PLPPR2: variants seen among roughly 807,000 people sequenced by gnomAD.
The protein encoded by PLPPR2 is phospholipid phosphatase-related protein type 2.
A neutral mutation model predicts 40.3 loss-of-function variants in PLPPR2; 11 were observed. The ratio of observed to expected loss-of-function variants is 0.27; its 90% confidence interval spans 0.17 to 0.45. The LOEUF is 0.45. PLPPR2 is among the 20% of genes least tolerant of loss of function. The pLI, the probability that PLPPR2 is intolerant of heterozygous loss-of-function variation, is 1.00. For synonymous variants in PLPPR2, 260 were observed against 290.8 expected, an observed-to-expected ratio of 0.89 and a Z score of 1.08; for missense variants, 497 against 640.7, an observed-to-expected ratio of 0.78 and a Z score of 2.42.
rs779138963 is a variant in PLPPR2, at chr19:11,361,182, T to C, written c.392-35T>C. ...TGGAATCAGTGGGAGCATCAGGGCCTGGCGCATGAACCCCTTCCACTATCC... is the reference window on the plus strand; with the variant it reads ...TGGAATCAGTGGGAGCATCAGGGCCCGGCGCATGAACCCCTTCCACTATCC... On this transcript the variant is annotated intron_variant, in intron 5 of 9. Coordinates refer to ENST00000688289, the MANE Select transcript of PLPPR2 (RefSeq NM_001393892.1). This position sits in a 1 kb window ranked among gnomAD's most constrained non-coding sequence, Gnocchi z 6.3. 10 of 1,566,490 alleles carry C rather than the reference T, an allele frequency of 6.4e-6. No homozygotes were observed. In the South Asian group the frequency reaches 9.3e-5, roughly 15 times the overall value.
In PLPPR2 at chr19:11,361,681, C is replaced by A. The variant is rs1034776325; in HGVS notation, c.663+193C>A. ...TCCTAGCCACGCCCCCAGTCAGAGG[C>A]TATCGCTGTCCATTGACTCCGCCCC... is the stretch of plus-strand genomic sequence containing the variant. On this transcript the variant is annotated intron_variant, in intron 6 of 9. Transcript: ENST00000688289. The surrounding 1 kb of genome is among the most constrained non-coding windows in gnomAD (Gnocchi z 6.3). Among the ~76,000 whole-genome samples, 2 of 152,164 alleles carry A rather than the reference C, an allele frequency of 1.3e-5. No homozygotes were observed. The highest frequency in any genetic ancestry group is 2.9e-5 in the Non-Finnish European group (2 of 68,002).
Position 11,359,668 on chromosome 19 carries a change from G to A in PLPPR2, c.203G>A (p.Arg68Gln), listed in dbSNP as rs970915215. ...TACCCAGGGCCTGAGGCTGCCAGCC[G>A]AGTGCCTCCTGCTCTTGTCTACGCA... ...KPYPGPEAAS[R>Q]VPPALVYALV... is the part of the protein sequence containing the mutation. Residue 68 changes from arginine to glutamine, a missense_variant, in exon 4 of 10, where the codon CGA (arginine) becomes CAA (glutamine). Transcript: ENST00000688289. This position sits in a 1 kb window ranked among gnomAD's most constrained non-coding sequence, Gnocchi z 5.6. 8 of 1,611,432 alleles carry A rather than the reference G, an allele frequency of 5.0e-6. No homozygotes were observed. The highest frequency in any genetic ancestry group is 3.3e-5 in the South Asian group (3 of 90,644).
At position 11,361,473 on chromosome 19, in the gene PLPPR2, G is replaced by T; in HGVS notation, c.648G>T (p.Ala216=). The change falls in exon 6 of 10, where the codon GCG becomes GCT. Residue 216 remains alanine, a synonymous_variant. Transcript: ENST00000688289. This position sits in a 1 kb window ranked among gnomAD's most constrained non-coding sequence, Gnocchi z 6.3. ...PCKDAALCAY[A]VTYTAMYVTL... is the part of the protein sequence containing the mutation. Reference sequence around the variant, plus strand: ...AGGATGCGGCCCTCTGCGCCTACGCGGTCACCTACACAGCGGTGAGCTTCG... The same window carrying T: ...AGGATGCGGCCCTCTGCGCCTACGCTGTCACCTACACAGCGGTGAGCTTCG... The T allele has an allele frequency of 6.2e-7, 1 of 1,600,662 alleles. No individual in the cohort carries two copies. The highest frequency in any genetic ancestry group is 1.7e-5 in the Admixed American group (1 of 59,820).
At chr19:11,356,445 G>C (rs1196508957) in intron 1 of PLPPR2, among the ~76,000 whole-genome samples, 3 of 145,774 alleles carry the variant, frequency 2.1e-5, no homozygotes, top group Non-Finnish European at 4.5e-5. Flanking sequence ...TCTCTGTTTG[G>C]CCTGGGGTGG....
chr19:11,361,617 C>A lies in PLPPR2; in HGVS notation c.663+129C>A. On this transcript the variant is annotated intron_variant, in intron 6 of 9. Coordinates refer to ENST00000688289, the MANE Select transcript of PLPPR2 (RefSeq NM_001393892.1). The surrounding 1 kb of genome is among the most constrained non-coding windows in gnomAD (Gnocchi z 6.3). ...GGTGCTGTTGGAAGCTCTCGCTCCA[C>A]GCCCCGACCTGTTGGAAGCTCTCCC... 5 of 1,283,254 alleles carry A rather than the reference C, an allele frequency of 3.9e-6. No individual in the cohort carries two copies. The highest frequency in any genetic ancestry group is 5.2e-6 in the Non-Finnish European group (5 of 954,526). The allele number at this position is 1,283,254 out of a possible 1,614,324, so 79.5% of individuals were successfully genotyped here.
rs1372523468 is a variant in PLPPR2 at position 11,363,224 on chromosome 19, T to C, written c.841-489T>C. 6.8e-6 allele frequency among the ~76,000 whole-genome samples: 1 copy of C among 147,898 alleles called. No homozygotes were observed. The highest frequency in any genetic ancestry group is 2.5e-5 in the African/African-American group (1 of 39,800). On this transcript the variant is annotated intron_variant, in intron 7 of 9. Coordinates refer to ENST00000688289, the MANE Select transcript of PLPPR2 (RefSeq NM_001393892.1). The surrounding 1 kb of genome is among the most constrained non-coding windows in gnomAD (Gnocchi z 4.8). ...TGAACCCGGGGGACGGAGGTTGCAG[T>C]GAACTGAGATCGTGCCACCTCACTC...
Position 11,364,490 on chromosome 19 carries a change from G to A in PLPPR2, c.1159G>A (p.Ala387Thr), listed in dbSNP as rs1339186523. ...CTTGCCCCTGCCCCTACCCCTGCCAGCGCCCACCCCCAGCCAGGGCCCCTC... is the reference window on the plus strand; with the variant it reads ...CTTGCCCCTGCCCCTACCCCTGCCAACGCCCACCCCCAGCCAGGGCCCCTC... ...TPLPLPLPLP[A>T]PTPSQGPSPS... The change falls in exon 10 of 10, where the codon GCG (alanine) becomes ACG (threonine). Residue 387 changes from alanine (A) to threonine (T), a missense_variant. By Grantham distance (58) the Ala-to-Thr change is moderately conservative (BLOSUM62 0). Coordinates refer to ENST00000688289, the MANE Select transcript of PLPPR2 (RefSeq NM_001393892.1). The surrounding 1 kb of genome is among the most constrained non-coding windows in gnomAD (Gnocchi z 5.8). 37 of 1,516,816 alleles carry A rather than the reference G, an allele frequency of 2.4e-5. No individual in the cohort carries two copies. The highest frequency in any genetic ancestry group is 3.3e-5 in the Non-Finnish European group (37 of 1,137,342). The allele number at this position is 1,516,816 out of a possible 1,614,324, so 94.0% of individuals were successfully genotyped here.
Position 11,362,344 on chromosome 19 carries a change from C to A in PLPPR2, c.664-169C>A. ...ACCCCCCCCCCTTTGCCTTTTTGGT[C>A]ACGCTCCCTGGAAAAGCCCACTGGG... On this transcript the variant is annotated intron_variant, in intron 6 of 9. Coordinates refer to ENST00000688289, the MANE Select transcript of PLPPR2 (RefSeq NM_001393892.1). The surrounding 1 kb of genome is among the most constrained non-coding windows in gnomAD (Gnocchi z 5.3). 4.5e-6 allele frequency: 2 copies of A among 443,158 alleles called. No individual in the cohort carries two copies. The highest frequency in any genetic ancestry group is 3.5e-5 in the Admixed American group (1 of 28,858). 27.5% of individuals were successfully genotyped at this position (443,158 alleles called of 1,614,324 possible). A position where few individuals can be genotyped will look rare whatever the true frequency, so the allele number is the denominator to read the frequency against.
Position 11,361,570 on chromosome 19 carries a change from G to C in PLPPR2, c.663+82G>C. 5.9e-6 allele frequency: 9 copies of C among 1,516,774 alleles called. No individual in the cohort carries two copies. The highest frequency in any genetic ancestry group is 7.9e-6 in the Non-Finnish European group (9 of 1,135,186). The allele number at this position is 1,516,774 out of a possible 1,614,324, so 94.0% of individuals were successfully genotyped here. ...CAGCTAGGAAGCCGCCAGGGTTGGA[G>C]CCTCTGCTCTTCCACGCCCCGGGTG... On this transcript the variant is annotated intron_variant, in intron 6 of 9. Coordinates refer to ENST00000688289, the MANE Select transcript of PLPPR2 (RefSeq NM_001393892.1). The surrounding 1 kb of genome is among the most constrained non-coding windows in gnomAD (Gnocchi z 6.3).
rs1242304947 is a variant in PLPPR2, at chr19:11,363,464, A to T, written c.841-249A>T. 1.3e-5 allele frequency among the ~76,000 whole-genome samples: 2 copies of T among 152,092 alleles called. No individual in the cohort carries two copies. Among genetic ancestry groups the T allele is most frequent in the Admixed American group, 6.6e-5 (1 of 15,260 alleles). On this transcript the variant is annotated intron_variant, in intron 7 of 9. Coordinates refer to ENST00000688289, the MANE Select transcript of PLPPR2 (RefSeq NM_001393892.1). This position sits in a 1 kb window ranked among gnomAD's most constrained non-coding sequence, Gnocchi z 4.8. ...GACTGTCTCAAAAAAATAAAAAATT[A>T]AAAAAATTAAATCCTGCCACTGTAC... is the stretch of plus-strand genomic sequence containing the variant.
In PLPPR2 at chr19:11,364,336, C is replaced by A. The variant is rs1405718023; in HGVS notation, c.1016-11C>A. Reference sequence around the variant, plus strand: ...TTTCTGATCCCCTGATATCTGGCTTCTGACCACCAGAGTCGCAGAACTGCG... The same window carrying A: ...TTTCTGATCCCCTGATATCTGGCTTATGACCACCAGAGTCGCAGAACTGCG... On this transcript the variant is annotated splice_polypyrimidine_tract_variant and intron_variant, in intron 9 of 9. Coordinates refer to ENST00000688289, the MANE Select transcript of PLPPR2 (RefSeq NM_001393892.1). This position sits in a 1 kb window ranked among gnomAD's most constrained non-coding sequence, Gnocchi z 5.8. 1 of 1,519,274 alleles carries A rather than the reference C, an allele frequency of 6.6e-7. No individual in the cohort carries two copies. The highest frequency in any genetic ancestry group is 2.3e-5 in the East Asian group (1 of 43,860). The allele number at this position is 1,519,274 out of a possible 1,614,324, so 94.1% of individuals were successfully genotyped here.
chr19:11,363,849 G>A lies in PLPPR2; in HGVS notation c.963+14G>A. 6.2e-7 allele frequency: 1 copy of A among 1,611,346 alleles called. No homozygotes were observed. The highest frequency in any genetic ancestry group is 8.5e-7 in the Non-Finnish European group (1 of 1,178,568). On this transcript the variant is annotated intron_variant, in intron 8 of 9. Transcript: ENST00000688289. The surrounding 1 kb of genome is among the most constrained non-coding windows in gnomAD (Gnocchi z 4.8). ...AGTGTGGCGCAGGTAAGGGGGGCCG[G>A]GGGCTGCTCCCGGCTGGAGAGGGTG...
rs907791511 is a variant in PLPPR2, at chr19:11,362,325, C to T, written c.664-188C>T. The T allele has an allele frequency of 5.2e-6, 3 of 575,818 alleles. No individual in the cohort carries two copies. The highest frequency in any genetic ancestry group is 1.9e-5 in the African/African-American group (1 of 53,556). The allele number at this position is 575,818 out of a possible 1,614,324, so 35.7% of individuals were successfully genotyped here. A position where few individuals can be genotyped will look rare whatever the true frequency, so the allele number is the denominator to read the frequency against. Reference sequence around the variant, plus strand: ...TCCAAGACCTCAATCCCTGACCCCCCCCCCTTTGCCTTTTTGGTCACGCTC... The same window carrying T: ...TCCAAGACCTCAATCCCTGACCCCCTCCCCTTTGCCTTTTTGGTCACGCTC... On this transcript the variant is annotated intron_variant, in intron 6 of 9. Transcript: ENST00000688289. The surrounding 1 kb of genome is among the most constrained non-coding windows in gnomAD (Gnocchi z 5.3).
At position 11,364,882 on chromosome 19, in the gene PLPPR2, A is replaced by G; in HGVS notation, c.*192A>G. On this transcript the variant is annotated 3_prime_UTR_variant, in exon 10 of 10. Transcript: ENST00000688289. The surrounding 1 kb of genome is among the most constrained non-coding windows in gnomAD (Gnocchi z 5.8). ...CTCTGAGATATCCCGATGGGCACAA[A>G]TGGAAGGTGCGCACTTGCCCCTACT... The G allele has an allele frequency of 3.0e-6, 2 of 674,066 alleles. No individual in the cohort carries two copies. The highest frequency in any genetic ancestry group is 5.0e-6 in the Non-Finnish European group (2 of 400,172). 41.8% of individuals were successfully genotyped at this position (674,066 alleles called of 1,614,324 possible). A position where few individuals can be genotyped will look rare whatever the true frequency, so the allele number is the denominator to read the frequency against.
Position 11,364,594 on chromosome 19 carries a change from G to A in PLPPR2, c.1263G>A (p.Leu421=). The part of the protein sequence containing the change: ...GRKLLLPTPL[L]RDLYTLSGLY... The stretch of plus-strand genomic sequence containing the variant: ...AGCTGCTGCTGCCCACGCCCCTGCT[G>A]CGGGACCTGTACACCCTGAGTGGAC... Residue 421 remains leucine, a synonymous_variant, in exon 10 of 10, where the codon CTG becomes CTA. Coordinates refer to ENST00000688289, the MANE Select transcript of PLPPR2 (RefSeq NM_001393892.1). This position sits in a 1 kb window ranked among gnomAD's most constrained non-coding sequence, Gnocchi z 5.8. 1.2e-5 allele frequency: 18 copies of A among 1,537,126 alleles called. No homozygotes were observed. The highest frequency in any genetic ancestry group is 1.4e-5 in the African/African-American group (1 of 73,148).
At position 11,359,482 on chromosome 19, in the gene PLPPR2, A is replaced by C; in HGVS notation, c.67-50A>C. The C allele has an allele frequency of 6.7e-7, 1 of 1,482,592 alleles. No individual in the cohort carries two copies. 91.8% of individuals were successfully genotyped at this position (1,482,592 alleles called of 1,614,324 possible). ...CTCTGTGGCCTCAGCTGGAGTCCTG[A>C]CCTCTCTCTTCTCTCTCCGCCACCT... On this transcript the variant is annotated intron_variant, in intron 3 of 9. Coordinates refer to ENST00000688289, the MANE Select transcript of PLPPR2 (RefSeq NM_001393892.1). The surrounding 1 kb of genome is among the most constrained non-coding windows in gnomAD (Gnocchi z 5.6).
At chr19:11,356,664 T>TTGTGTGTGTGTGTGTG (rs66994507) in intron 1 of PLPPR2, 138 bp from the exon 2 acceptor site, 35 of 145,946 alleles carry the variant, frequency 2.4e-4, no homozygotes, top group African/African-American at 7.9e-4. Context: ...TATGCCATGG[T>TTGTGTGTGTGTGTGTG]TGTGTGTGTG....
Position 11,362,312 on chromosome 19 carries a change from A to C in PLPPR2, c.664-201A>C, listed in dbSNP as rs1968068401. 5 of 575,052 alleles carry C rather than the reference A, an allele frequency of 8.7e-6. No individual in the cohort carries two copies. The highest frequency in any genetic ancestry group is 9.2e-6 in the Non-Finnish European group (3 of 325,502). 35.6% of individuals were successfully genotyped at this position (575,052 alleles called of 1,614,324 possible). On this transcript the variant is annotated intron_variant, in intron 6 of 9. Transcript: ENST00000688289. The surrounding 1 kb of genome is among the most constrained non-coding windows in gnomAD (Gnocchi z 5.3). ...GTGCCCACGAGACTCCAAGACCTCA[A>C]TCCCTGACCCCCCCCCCTTTGCCTT...
intron 3 of PLPPR2, among the ~76,000 whole-genome samples, chr19:11,358,496 C>T (rs1967954383): frequency 6.6e-6 from 1 of 152,094 alleles, no homozygotes; most frequent in South Asian, 2.1e-4. Flanking sequence ...GAGAGTCTCT[C>T]CACCTCCCCC....
Sources: allele counts gnomAD v4.1 joint callset (sites outside exome capture counted in the v4.1 genomes callset), GRCh38; gene constraint gnomAD v4.1.1; non-coding constraint Gnocchi (gnomAD v3.1); transcripts MANE v1.5; gene names NCBI Gene and HGNC (gene_info 2026-07-23, HGNC 2026-07-21).